Variants in CSMD1 observed in about 807,000 individuals in gnomAD.
The protein encoded by CSMD1 is CUB and Sushi multiple domains 1.
A neutral mutation model predicts 417.5 loss-of-function variants in CSMD1; 213 were observed. That is an observed-to-expected ratio of 0.51 (90% CI 0.46 to 0.57). The LOEUF (loss-of-function observed/expected upper bound fraction) is 0.57. Among genes scored for constraint, CSMD1 ranks in the 20% least tolerant of loss-of-function variants. The pLI is 0.00. For missense variants in CSMD1, 6,923 were observed against 4,529.7 expected (o/e 1.53, Z -15.17); for synonymous variants, 2,862 against 1,736.8 (o/e 1.65, Z -16.11).
At position 4,573,621 on chromosome 8, in the gene CSMD1, G is replaced by A. The variant is rs372572929; in HGVS notation, c.302+63721C>T. 4.9e-4 allele frequency among the ~76,000 whole-genome samples: 74 copies of A among 152,166 alleles called. 1 individual carries two copies. The highest frequency in any genetic ancestry group is 2.7e-3 in the Admixed American group (42 of 15,294). On this transcript the variant is annotated intron_variant, in intron 2 of 69. Transcript: ENST00000635120. ...GGGTCAGGGTCCCACTTGAGGGGGCGGTCTTTCCCTTAGCAGAGCTTGAGT... is the reference window on the plus strand; with the variant it reads ...GGGTCAGGGTCCCACTTGAGGGGGCAGTCTTTCCCTTAGCAGAGCTTGAGT...
At chr8:3,671,456 ATCATACACATATAATCATATATATAC>A (rs2117532762) in intron 7 of CSMD1, among the ~76,000 whole-genome samples, 1 of 142,924 alleles carries the variant, frequency 7.0e-6, no homozygotes, top group Non-Finnish European at 1.5e-5. Flanking sequence ...CATATATATA[ATCATACACATATAATCATATATATAC>A]TCATATATAT....
At chr8:3,996,657 C>A (rs372563259) in intron 5 of CSMD1, among the ~76,000 whole-genome samples, 1 of 152,084 alleles carries the variant, frequency 6.6e-6, no homozygotes, top group East Asian at 1.9e-4. Context: ...CTACATTAAG[C>A]AGATTGGTCC....
chr8:4,160,030 C>T (rs1030912348), intron 3 of CSMD1, among the ~76,000 whole-genome samples: 1 of 151,534 alleles, frequency 6.6e-6, no homozygotes, highest in African/African-American at 2.4e-5. Flanking sequence ...TTTCAGAAAT[C>T]ACCAAAGAAC....
chr8:3,273,239 G>T (rs1802006126), intron 26 of CSMD1, among the ~76,000 whole-genome samples: 2 of 151,442 alleles, frequency 1.3e-5, no homozygotes, highest in African/African-American at 4.9e-5. Context: ...TACATTTATA[G>T]ATTTGCGTAT....
intron 2 of CSMD1, 71 bp downstream of exon 2, chr8:4,637,271 T>C: frequency 7.7e-7 from 1 of 1,306,542 alleles, no homozygotes; most frequent in Non-Finnish European, 1.1e-6. Context: ...AAAATTTAAA[T>C]ATTCCAACTA....
intron 3 of CSMD1, among the ~76,000 whole-genome samples, chr8:4,391,751 C>T (rs1255548865): frequency 6.6e-6 from 1 of 152,174 alleles, no homozygotes; most frequent in East Asian, 1.9e-4. Flanking sequence ...GCCTTCCCCT[C>T]TTCCACCATA....
chr8:4,048,136 G>T (rs965001330), intron 3 of CSMD1, among the ~76,000 whole-genome samples: 1 of 152,116 alleles, frequency 6.6e-6, no homozygotes, highest in African/African-American at 2.4e-5. Context: ...ACTTGCCTAA[G>T]GTGAAAAGAA....
rs1801531236 is a variant in CSMD1 at position 2,937,016 on chromosome 8, G to A, written c.*1569C>T. 1 of 152,122 alleles carries A rather than the reference G, an allele frequency of 6.6e-6. No homozygotes were observed. Among genetic ancestry groups the A allele is most frequent in the South Asian group, 2.1e-4 (1 of 4,830 alleles). 9.4% of individuals were successfully genotyped at this position (152,122 alleles called of 1,614,324 possible). A position where few individuals can be genotyped will look rare whatever the true frequency, so the allele number is the denominator to read the frequency against. ...ACTGAAATATCAAATAATAAAATAAGTACTATCGTTTCAAAAATATTTTTA... is the reference window on the plus strand; with the variant it reads ...ACTGAAATATCAAATAATAAAATAAATACTATCGTTTCAAAAATATTTTTA... On this transcript the variant is annotated 3_prime_UTR_variant, in exon 70 of 70. Coordinates refer to ENST00000635120, the MANE Select transcript of CSMD1 (RefSeq NM_033225.6).
chr8:4,596,817 T>A (rs1422726929), intron 2 of CSMD1, among the ~76,000 whole-genome samples: 2 of 152,150 alleles, frequency 1.3e-5, no homozygotes, highest in African/African-American at 4.8e-5. Flanking sequence ...TACCCACATA[T>A]TGTGGGAGGG....
intron 3 of CSMD1, among the ~76,000 whole-genome samples, chr8:4,303,159 C>T (rs529932877): frequency 6.6e-6 from 1 of 152,108 alleles, no homozygotes; most frequent in Non-Finnish European, 1.5e-5. Context: ...TTCCCTCAAA[C>T]ATATAATAGG....
intron 2 of CSMD1, among the ~76,000 whole-genome samples, chr8:4,458,149 G>C (rs1296330535): frequency 6.6e-6 from 1 of 151,988 alleles, no homozygotes; most frequent in African/African-American, 2.4e-5. Flanking sequence ...TGGTTTTGCT[G>C]TCTTGAGTGG....
At chr8:4,965,711 A>T (rs1809814801) in intron 1 of CSMD1, among the ~76,000 whole-genome samples, 1 of 152,186 alleles carries the variant, frequency 6.6e-6, no homozygotes, top group African/African-American at 2.4e-5. Flanking sequence ...AGATAATAAA[A>T]TTGAATGCAC....
intron 23 of CSMD1, among the ~76,000 whole-genome samples, chr8:3,325,165 C>T (rs1283192666): frequency 6.6e-6 from 1 of 152,186 alleles, no homozygotes; most frequent in Non-Finnish European, 1.5e-5. Context: ...TGACCTGTGA[C>T]CCCTTACCCA....
intron 3 of CSMD1, among the ~76,000 whole-genome samples, chr8:4,093,790 A>G (rs150691953): frequency 1.9e-3 from 288 of 152,212 alleles, no homozygotes; most frequent in African/African-American, 6.6e-3. Flanking sequence ...GTGAAATCCC[A>G]TATCTACTAA....
chr8:3,107,333 C>T lies in CSMD1; in HGVS notation c.6835+385G>A, dbSNP rs79607000. ...ACTGTTATGTAATCATCCTTTCAGC[C>T]GCAAATGATTCAGATTTTTCTCAAG... On this transcript the variant is annotated intron_variant, in intron 45 of 69. Transcript: ENST00000635120. Among the ~76,000 whole-genome samples the T allele has an allele frequency of 6.3e-4, 96 of 152,234 alleles. 3 individuals carry two copies. In the East Asian group the frequency reaches 0.016, roughly 25 times the overall value.
chr8:3,278,029 G>T (rs561051515), intron 26 of CSMD1, among the ~76,000 whole-genome samples: 1 of 152,238 alleles, frequency 6.6e-6, no homozygotes, highest in African/African-American at 2.4e-5. Context: ...TATGGATAGA[G>T]AAGAAAGGGA....
intron 5 of CSMD1, among the ~76,000 whole-genome samples, chr8:3,982,192 T>TAA (rs372298485): frequency 0.14 from 18,418 of 131,602 alleles, 1,354 homozygotes; most frequent in Middle Eastern, 0.2. Flanking sequence ...AATAATAATA[T>TAA]TAATAAAAAA....
At chr8:3,717,288 T>A (rs868189869) in intron 6 of CSMD1, among the ~76,000 whole-genome samples, 2 of 152,222 alleles carry the variant, frequency 1.3e-5, no homozygotes, top group South Asian at 4.1e-4. Flanking sequence ...TTTCAACGCT[T>A]ATCTCAGAAG....
At position 4,994,324 on chromosome 8, in the gene CSMD1, C is replaced by A. The variant is rs1284231992; in HGVS notation, c.85+8G>T. ...CCGCCTCCCCGGCCAGGAGCAAGTC[C>A]GTCTTACCCTTCGCTGCAGTGAGGA... On this transcript the variant is annotated splice_region_variant and intron_variant, in intron 1 of 69. Coordinates refer to ENST00000635120, the MANE Select transcript of CSMD1 (RefSeq NM_033225.6). 5.0e-6 allele frequency: 8 copies of A among 1,608,754 alleles called. No individual in the cohort carries two copies. In the South Asian group the frequency reaches 7.7e-5, roughly 15 times the overall value.
Sources: allele counts gnomAD v4.1 joint callset (sites outside exome capture counted in the v4.1 genomes callset), GRCh38; gene constraint gnomAD v4.1.1; transcripts MANE v1.5; gene names NCBI Gene and HGNC (gene_info 2026-07-23, HGNC 2026-07-21).